The following CEP112 variants were observed in gnomAD, a reference collection of about 807,000 sequenced individuals.
CEP112 encodes the protein centrosomal protein 112, also known as centrosomal protein of 112 kDa.
CEP112 carries 127 observed loss-of-function variants against 153.0 expected under a neutral mutation model. The ratio of observed to expected loss-of-function variants is 0.83; its 90% CI spans 0.72 to 0.96. The LOEUF (loss-of-function observed/expected upper bound fraction) is 0.96, where lower values mean the gene tolerates loss of function less well. CEP112 is among the 40% of genes least tolerant of loss of function. CEP112 has a pLI of 0.00. For missense variants in CEP112, 1,089 were observed against 1,101.2 expected (o/e 0.99, Z 0.16); for synonymous variants, 358 against 374.4 (o/e 0.96, Z 0.51).
chr17:65,938,429 A>AAAAG (rs1417578239), intron 18 of CEP112, among the ~76,000 whole-genome samples: 5 of 146,384 alleles, frequency 3.4e-5, no homozygotes, highest in South Asian at 2.3e-4. Context: ...AAAAAAAAAA[A>AAAAG]AAAGAAAGAA....
chr17:66,009,539 T>C (rs2064424102), intron 16 of CEP112, among the ~76,000 whole-genome samples: 1 of 152,160 alleles, frequency 6.6e-6, no homozygotes, highest in Admixed American at 6.5e-5. Context: ...TCTTTGCCAC[T>C]TTGTATATCC....
At chr17:65,914,047 T>C in intron 19 of CEP112, 1 of 179,720 alleles carries the variant, frequency 5.6e-6, no homozygotes, top group Non-Finnish European at 1.1e-5. Flanking sequence ...TTTTTTTTCA[T>C]GGTTCAATAA....
intron 21 of CEP112, among the ~76,000 whole-genome samples, chr17:65,846,212 A>G (rs2057719245): frequency 6.6e-6 from 1 of 152,224 alleles, no homozygotes. Context: ...AGATACTGTG[A>G]GAAGAGTTCA....
chr17:66,080,175 A>G (rs1204707100), intron 8 of CEP112, among the ~76,000 whole-genome samples: 1 of 152,190 alleles, frequency 6.6e-6, no homozygotes, highest in Non-Finnish European at 1.5e-5. Flanking sequence ...TAATTAAACT[A>G]AAGAGCTTCT....
intron 6 of CEP112, among the ~76,000 whole-genome samples, chr17:66,123,247 C>T (rs550680532): frequency 5.8e-4 from 89 of 152,196 alleles, no homozygotes; most frequent in Non-Finnish European, 6.8e-4. Flanking sequence ...TTTCCCCCAA[C>T]CACTAAGCTG....
intron 12 of CEP112, among the ~76,000 whole-genome samples, chr17:66,041,994 T>A (rs1345740066): frequency 6.6e-6 from 1 of 152,158 alleles, no homozygotes; most frequent in Non-Finnish European, 1.5e-5. Context: ...AGAAACCTAA[T>A]TAACACTACC....
At chr17:66,128,121 G>T (rs185548444) in intron 6 of CEP112, among the ~76,000 whole-genome samples, 17 of 151,926 alleles carry the variant, frequency 1.1e-4, no homozygotes, top group African/African-American at 4.1e-4. Context: ...GACCAACATG[G>T]TGAAACCCCC....
intron 17 of CEP112, among the ~76,000 whole-genome samples, chr17:65,995,358 G>T (rs1435518140): frequency 6.6e-6 from 1 of 152,114 alleles, no homozygotes; most frequent in Non-Finnish European, 1.5e-5. Context: ...AAAAAGAAAA[G>T]GCAAAACTGG....
At chr17:65,993,699 A>G (rs764798857) in intron 17 of CEP112, among the ~76,000 whole-genome samples, 2 of 152,246 alleles carry the variant, frequency 1.3e-5, no homozygotes, top group Non-Finnish European at 2.9e-5. Flanking sequence ...AACAATATAA[A>G]TGAATCTCAC....
At chr17:66,165,569 TTA>T (rs2071919310) in intron 4 of CEP112, among the ~76,000 whole-genome samples, 1 of 152,258 alleles carries the variant, frequency 6.6e-6, no homozygotes, top group South Asian at 2.1e-4. Context: ...ATTTATAATG[TTA>T]TATAGTATCA....
chr17:65,681,891 G>C (rs982271023), intron 24 of CEP112, among the ~76,000 whole-genome samples: 4 of 151,818 alleles, frequency 2.6e-5, no homozygotes, highest in African/African-American at 9.7e-5. Context: ...TGTTGGCCAG[G>C]CTGGTCTGGA....
chr17:65,689,302 G>C (rs2047979277), intron 23 of CEP112, 84 bp from the exon 24 acceptor site: 2 of 899,400 alleles, frequency 2.2e-6, no homozygotes, highest in South Asian at 2.9e-5. Flanking sequence ...CACTAAAAAG[G>C]CCTCAGATCT....
intron 16 of CEP112, 131 bp downstream of exon 16, chr17:66,027,370 C>T: frequency 1.2e-6 from 1 of 849,104 alleles, no homozygotes; most frequent in Non-Finnish European, 1.6e-6. Context: ...GAGCAAGACT[C>T]TGTCTAAAAA....
At chr17:66,161,843 T>C (rs2071723881) in intron 4 of CEP112, among the ~76,000 whole-genome samples, 2 of 150,070 alleles carry the variant, frequency 1.3e-5, no homozygotes, top group East Asian at 2.0e-4. Context: ...AAAAAAAGAA[T>C]AAAAAAACTC....
At chr17:66,155,052 C>G (rs1480065054) in intron 4 of CEP112, among the ~76,000 whole-genome samples, 1 of 152,154 alleles carries the variant, frequency 6.6e-6, no homozygotes, top group Non-Finnish European at 1.5e-5. Flanking sequence ...AGGTCCTCAT[C>G]AGATGCCAGC....
intron 23 of CEP112, among the ~76,000 whole-genome samples, chr17:65,703,001 C>A (rs965847984): frequency 4.6e-5 from 7 of 152,004 alleles, no homozygotes; most frequent in Non-Finnish European, 1.0e-4. Flanking sequence ...AGAGCCAAAT[C>A]ATATCAATAA....
chr17:66,073,135 T>C (rs2067362221), intron 8 of CEP112, among the ~76,000 whole-genome samples: 1 of 152,220 alleles, frequency 6.6e-6, no homozygotes, highest in Non-Finnish European at 1.5e-5. Flanking sequence ...GGCTTGCAGA[T>C]CTACTTCAGG....
At chr17:65,937,610 G>A (rs1360945149) in intron 18 of CEP112, among the ~76,000 whole-genome samples, 3 of 104,432 alleles carry the variant, frequency 2.9e-5, no homozygotes, top group South Asian at 5.4e-4. Context: ...CCGTCCGGGA[G>A]GGAGGTGGGG....
intron 21 of CEP112, among the ~76,000 whole-genome samples, chr17:65,762,922 T>C (rs2052701003): frequency 6.6e-6 from 1 of 152,092 alleles, no homozygotes; most frequent in South Asian, 2.1e-4. Context: ...TCTATGTAGA[T>C]CAAAGTTTCT....
Sources: allele counts gnomAD v4.1 joint callset (sites outside exome capture counted in the v4.1 genomes callset), GRCh38; gene constraint gnomAD v4.1.1; transcripts MANE v1.5; gene names NCBI Gene and HGNC (gene_info 2026-07-23, HGNC 2026-07-21).